ANKS1B: variants seen among roughly 807,000 people sequenced by gnomAD.
ANKS1B encodes ankyrin repeat and sterile alpha motif domain-containing protein 1B.
In ANKS1B, 36 loss-of-function variants were observed where a neutral mutation model predicts 148.3. That is an observed-to-expected ratio of 0.24 (90% CI 0.19 to 0.32). The LOEUF (loss-of-function observed/expected upper bound fraction) is 0.32. Ranked by LOEUF, ANKS1B falls within the 10% of genes least tolerant of loss-of-function variation. The pLI is 1.00. For missense variants in ANKS1B, 1,157 were observed against 1,542.6 expected, an observed-to-expected ratio of 0.75 and a Z score of 4.19; for synonymous variants, 542 against 560.8, an observed-to-expected ratio of 0.97 and a Z score of 0.47.
intron 17 of ANKS1B, among the ~76,000 whole-genome samples, chr12:98,847,198 G>A (rs1245723155): frequency 6.6e-6 from 1 of 152,142 alleles, no homozygotes; most frequent in Non-Finnish European, 1.5e-5. Context: ...CTGGAACTAT[G>A]CTACAGTAGA....
intron 25 of ANKS1B, among the ~76,000 whole-genome samples, chr12:98,765,174 T>G (rs1438249569): frequency 6.6e-6 from 1 of 152,224 alleles, no homozygotes; most frequent in Non-Finnish European, 1.5e-5. Flanking sequence ...TGGAAATGCG[T>G]ATGTGTCACC....
intron 8 of ANKS1B, among the ~76,000 whole-genome samples, chr12:99,723,394 C>T (rs975502441): frequency 1.3e-5 from 2 of 152,132 alleles, no homozygotes; most frequent in African/African-American, 4.8e-5. Flanking sequence ...GCCAGAGTGC[C>T]TCTTCAGGCC....
chr12:99,285,864 T>C (rs1379402259), intron 12 of ANKS1B, among the ~76,000 whole-genome samples: 2 of 152,234 alleles, frequency 1.3e-5, no homozygotes, highest in East Asian at 3.9e-4. Flanking sequence ...AGTGAGCATT[T>C]AGACCAGCCT....
intron 9 of ANKS1B, among the ~76,000 whole-genome samples, chr12:99,580,827 T>C (rs1436513153): frequency 6.6e-6 from 1 of 152,186 alleles, no homozygotes; most frequent in Non-Finnish European, 1.5e-5. Context: ...TACCTGGTGT[T>C]TGCATGTACC....
chr12:99,188,792 A>G (rs890368680), intron 14 of ANKS1B, among the ~76,000 whole-genome samples: 2 of 152,192 alleles, frequency 1.3e-5, no homozygotes, highest in Non-Finnish European at 2.9e-5. Flanking sequence ...AGAACTAGAG[A>G]AGCAAGAGCA....
intron 16 of ANKS1B, among the ~76,000 whole-genome samples, chr12:99,063,092 A>C (rs2042979882): frequency 6.6e-6 from 1 of 152,138 alleles, no homozygotes; most frequent in Non-Finnish European, 1.5e-5. Context: ...TATCATTTAC[A>C]TAGACCCACC....
chr12:98,761,804 G>A (rs2153440916), intron 25 of ANKS1B, among the ~76,000 whole-genome samples: 1 of 152,322 alleles, frequency 6.6e-6, no homozygotes. Context: ...TGGCGAATAT[G>A]ACGAAGGAGT....
chr12:99,018,407 CT>C (rs775412711), intron 17 of ANKS1B, among the ~76,000 whole-genome samples: 8 of 152,180 alleles, frequency 5.3e-5, no homozygotes, highest in Non-Finnish European at 1.0e-4. Flanking sequence ...CAAATATGGT[CT>C]GGCTAAGAGA....
At chr12:99,746,713 G>C (rs1312442023) in intron 8 of ANKS1B, among the ~76,000 whole-genome samples, 2 of 152,118 alleles carry the variant, frequency 1.3e-5, no homozygotes, top group African/African-American at 4.8e-5. Flanking sequence ...GTATTGGAAA[G>C]TCACATCAGT....
rs113928097 is a variant in ANKS1B, at chr12:98,865,931, G to A, written c.2779-33795C>T. Reference sequence around the variant, plus strand: ...CAAGATCAAGATGCTGGCAGATTCGGTATCTGGTGAGGGCATGCTTCCTAA... The same window carrying A: ...CAAGATCAAGATGCTGGCAGATTCGATATCTGGTGAGGGCATGCTTCCTAA... On this transcript the variant is annotated intron_variant, in intron 17 of 26. Coordinates refer to ENST00000683438, the MANE Select transcript of ANKS1B (RefSeq NM_001352186.2). Among the ~76,000 whole-genome samples, 964 of 152,264 alleles carry A rather than the reference G, an allele frequency of 6.3e-3. 15 individuals are homozygous for A. The highest frequency in any genetic ancestry group is 0.021 in the African/African-American group (893 of 41,544).
At chr12:98,918,570 T>C (rs1333037504) in intron 17 of ANKS1B, among the ~76,000 whole-genome samples, 1 of 152,242 alleles carries the variant, frequency 6.6e-6, no homozygotes, top group Non-Finnish European at 1.5e-5. Flanking sequence ...TCAGTATTTG[T>C]AGCATTTCTG....
chr12:99,777,775 G>A (rs1266752559), intron 6 of ANKS1B, among the ~76,000 whole-genome samples: 4 of 151,454 alleles, frequency 2.6e-5, no homozygotes, highest in Non-Finnish European at 5.9e-5. Flanking sequence ...TAGTAGAGAC[G>A]GGGTTTCACC....
intron 8 of ANKS1B, among the ~76,000 whole-genome samples, chr12:99,739,442 C>A (rs1287513365): frequency 6.6e-6 from 1 of 151,694 alleles, no homozygotes; most frequent in African/African-American, 2.4e-5. Flanking sequence ...CTAGTGGATT[C>A]AAATCCTGAC....
intron 1 of ANKS1B, among the ~76,000 whole-genome samples, chr12:99,942,298 G>A (rs931128053): frequency 5.3e-5 from 8 of 152,074 alleles, no homozygotes; most frequent in Admixed American, 3.3e-4. Flanking sequence ...GAGAAATCAC[G>A]GAAAATTAGG....
At chr12:99,100,814 G>A (rs1483929278) in intron 15 of ANKS1B, among the ~76,000 whole-genome samples, 2 of 152,204 alleles carry the variant, frequency 1.3e-5, no homozygotes, top group East Asian at 3.8e-4. Flanking sequence ...ACAGGCGTCA[G>A]CCACTGTGCC....
chr12:99,188,312 C>T (rs567683336), intron 14 of ANKS1B, among the ~76,000 whole-genome samples: 2 of 152,204 alleles, frequency 1.3e-5, no homozygotes, highest in African/African-American at 4.8e-5. Flanking sequence ...CAAGGATATT[C>T]GGGACTTGCA....
chr12:99,078,270 T>C (rs4762218), intron 16 of ANKS1B, among the ~76,000 whole-genome samples: 11,758 of 152,210 alleles, frequency 0.077, 1,097 homozygotes, highest in African/African-American at 0.22. Flanking sequence ...TCAAGTTTTG[T>C]CCAATAGAGT....
chr12:99,598,624 G>C (rs947425554), intron 9 of ANKS1B, among the ~76,000 whole-genome samples: 1 of 152,074 alleles, frequency 6.6e-6, no homozygotes, highest in African/African-American at 2.4e-5. Flanking sequence ...GGCACAATGG[G>C]ACAGAGGGCC....
chr12:99,386,068 C>G (rs1228187088), intron 12 of ANKS1B, among the ~76,000 whole-genome samples: 1 of 152,072 alleles, frequency 6.6e-6, no homozygotes, highest in Non-Finnish European at 1.5e-5. Context: ...AAAATAGAAC[C>G]CAGACATCTG....
Sources: gnomAD v4.1 joint callset for allele counts (sites outside exome capture counted in the v4.1 genomes callset) on GRCh38, gnomAD v4.1.1 for gene constraint, MANE v1.5 for transcripts, NCBI Gene and HGNC (gene_info 2026-07-23, HGNC 2026-07-21) for gene names.